Variants in NUP160 observed in about 807,000 individuals in gnomAD.
The protein encoded by NUP160 is nuclear pore complex protein Nup160.
A neutral mutation model predicts 196.9 loss-of-function variants in NUP160; 94 were observed. The observed-to-expected ratio is 0.48, with a 90% CI of 0.40 to 0.57. The LOEUF (loss-of-function observed/expected upper bound fraction) is 0.57. Among genes scored for constraint, NUP160 ranks in the 20% least tolerant of loss-of-function variants. The probability of loss-of-function intolerance (pLI) is 0.00; values close to 1 mark genes in which losing one functional copy is unlikely to be tolerated. For synonymous variants in NUP160, 605 were observed against 619.7 expected, an observed-to-expected ratio of 0.98 and a Z score of 0.35; for missense variants, 1,638 against 1,748.3, an observed-to-expected ratio of 0.94 and a Z score of 1.13.
intron 34 of NUP160, among the ~76,000 whole-genome samples, chr11:47,781,409 C>T (rs1256419310): frequency 4.6e-5 from 7 of 151,758 alleles, no homozygotes; most frequent in South Asian, 2.1e-4. Context: ...ACTATAGGCA[C>T]GCACCACCAT....
intron 26 of NUP160, 35 bp downstream of exon 26, chr11:47,797,943 C>CT (rs2097671802): frequency 6.5e-7 from 1 of 1,545,820 alleles, no homozygotes; most frequent in Non-Finnish European, 8.9e-7. Context: ...AACCACCATA[C>CT]TTGTTGAAAG....
chr11:47,838,704 T>C (rs1462251051), intron 4 of NUP160, among the ~76,000 whole-genome samples: 3 of 149,626 alleles, frequency 2.0e-5, no homozygotes, highest in South Asian at 2.1e-4. Context: ...TGAGACTCTG[T>C]CTCAAAAGAA....
At chr11:47,848,439 G>A in exon 1 of NUP160, 4 of 1,515,926 alleles carry the variant, frequency 2.6e-6, no homozygotes, top group Non-Finnish European at 3.5e-6. Context: ...CAGAAAGGCG[G>A]CTCCGGCCCT....
chr11:47,804,518 G>A (rs754855363), intron 21 of NUP160, 31 bp downstream of exon 21: 1 of 1,390,620 alleles, frequency 7.2e-7, no homozygotes, highest in Non-Finnish European at 9.8e-7. Flanking sequence ...TTACAAGAAT[G>A]TGTAGACATG....
chr11:47,813,029 T>A, exon 15 of NUP160: 1 of 1,608,758 alleles, frequency 6.2e-7, no homozygotes, highest in Non-Finnish European at 8.5e-7. Context: ...ACATATGACA[T>A]CCCGAGCGAT....
At chr11:47,813,545 C>G (rs2097682352) in intron 13 of NUP160, 130 bp from the exon 14 acceptor site, 2 of 614,640 alleles carry the variant, frequency 3.3e-6, no homozygotes, top group Admixed American at 5.1e-5. Flanking sequence ...AGGTGTAAGT[C>G]TTGGCTGGGC....
intron 30 of NUP160, 33 bp from the exon 31 acceptor site, chr11:47,788,338 C>A: frequency 1.2e-6 from 2 of 1,612,986 alleles, no homozygotes; most frequent in Non-Finnish European, 1.7e-6. Flanking sequence ...TTTCGTGTAG[C>A]CAAGGTATAC....
At chr11:47,801,359 T>G (rs2097674056) in intron 23 of NUP160, among the ~76,000 whole-genome samples, 4 of 151,170 alleles carry the variant, frequency 2.6e-5, no homozygotes, top group Admixed American at 2.0e-4. Flanking sequence ...TTTCTTTTTG[T>G]TTTTTTTTGG....
intron 4 of NUP160, among the ~76,000 whole-genome samples, chr11:47,837,997 T>C (rs1852209259): frequency 6.6e-6 from 1 of 152,204 alleles, no homozygotes; most frequent in South Asian, 2.1e-4. Context: ...CCTGTCCTCC[T>C]GGAACTTATA....
chr11:47,800,019 C>T (rs1278942063), intron 23 of NUP160, among the ~76,000 whole-genome samples: 3 of 151,924 alleles, frequency 2.0e-5, no homozygotes, highest in East Asian at 2.0e-4. Flanking sequence ...TTTGGGAGGC[C>T]GAGGCAGGTG....
chr11:47,848,312 C>G (rs1383816571), exon 1 of NUP160: 6 of 1,613,854 alleles, frequency 3.7e-6, no homozygotes, highest in Non-Finnish European at 5.1e-6. Flanking sequence ...GCTCCCGCCG[C>G]CGCCATCTTC....
At chr11:47,814,774 CATG>C (rs2097683360) in intron 13 of NUP160, among the ~76,000 whole-genome samples, 1 of 152,046 alleles carries the variant, frequency 6.6e-6, no homozygotes, top group Non-Finnish European at 1.5e-5. Flanking sequence ...GATAAAGGAG[CATG>C]ATATCTACAA....
intron 27 of NUP160, among the ~76,000 whole-genome samples, chr11:47,794,321 G>A (rs556547832): frequency 8.5e-5 from 13 of 152,172 alleles, no homozygotes; most frequent in African/African-American, 2.9e-4. Context: ...GTGAAACCCC[G>A]TCTCTACTAA....
At chr11:47,826,948 TA>T in intron 7 of NUP160, 1 of 427,824 alleles carries the variant, frequency 2.3e-6, no homozygotes, top group Non-Finnish European at 4.6e-6. Flanking sequence ...CAGTGGTGGG[TA>T]AAATTACTGG....
intron 13 of NUP160, 27 bp downstream of exon 13, chr11:47,815,452 G>A: frequency 6.5e-7 from 1 of 1,528,460 alleles, no homozygotes; most frequent in Non-Finnish European, 8.8e-7. Context: ...TCTCAAGAAG[G>A]TCTTCTCTAT....
intron 7 of NUP160, 39 bp downstream of exon 7, chr11:47,835,612 A>G: frequency 6.6e-7 from 1 of 1,505,408 alleles, no homozygotes; most frequent in East Asian, 2.4e-5. Flanking sequence ...ACATCAGTAC[A>G]CACAGAATAA....
chr11:47,778,769 C>T (rs554136714), exon 36 of NUP160: 1 of 196,412 alleles, frequency 5.1e-6, no homozygotes, highest in South Asian at 9.7e-5. Context: ...AAGCCAACAA[C>T]CCTCAGCTAT....
chr11:47,788,800 A>T (rs2097666221), intron 29 of NUP160, among the ~76,000 whole-genome samples, 189 bp from the exon 30 acceptor site: 1 of 152,180 alleles, frequency 6.6e-6, no homozygotes. Flanking sequence ...CCCATGTCAA[A>T]TCAAAGTATT....
At chr11:47,786,673 A>G in intron 31 of NUP160, 119 bp from the exon 32 acceptor site, 1 of 656,398 alleles carries the variant, frequency 1.5e-6, no homozygotes, top group Non-Finnish European at 2.7e-6. Context: ...TGAATTCACT[A>G]CTGGAATATT....
Sources: allele counts gnomAD v4.1 joint callset (sites outside exome capture counted in the v4.1 genomes callset), GRCh38; gene constraint gnomAD v4.1.1; transcripts MANE v1.5; gene names NCBI Gene and HGNC (gene_info 2026-07-23, HGNC 2026-07-21).